Variants in TSPAN7 observed in about 807,000 individuals in gnomAD.
TSPAN7 encodes tetraspanin 7, also known as tetraspanin-7.
Under a neutral mutation model 17.6 loss-of-function variants are expected in TSPAN7, and 1 was observed. That is an observed-to-expected ratio of 0.06 (90% CI 0.02 to 0.27). The LOEUF (loss-of-function observed/expected upper bound fraction) is 0.27. TSPAN7 is among the 10% of genes least tolerant of loss of function. The pLI is 1.00. For synonymous variants in TSPAN7, 78 were observed against 79.0 expected (o/e 0.99, Z 0.07); for missense variants, 112 against 201.7 (o/e 0.56, Z 2.69).
At chrX:38,586,079 T>G (rs1033015512) in intron 1 of TSPAN7, among the ~76,000 whole-genome samples, 1 of 112,802 alleles carries the variant, frequency 8.9e-6, no homozygotes, top group Non-Finnish European at 1.9e-5. Flanking sequence ...TTTCTTTGCT[T>G]CTCTGAATCT....
At chrX:38,623,698 C>A (rs746687870) in intron 1 of TSPAN7, among the ~76,000 whole-genome samples, 3 of 107,986 alleles carry the variant, frequency 2.8e-5, no homozygotes, top group Non-Finnish European at 5.8e-5. Context: ...CCTGAAAACT[C>A]GTAGACTTTC....
intron 1 of TSPAN7, among the ~76,000 whole-genome samples, chrX:38,569,559 T>C (rs1056516542): frequency 9.0e-6 from 1 of 110,874 alleles, no homozygotes; most frequent in Non-Finnish European, 1.9e-5. Context: ...TTATTTTAGC[T>C]CCCCTTTCCT....
chrX:38,682,237 T>C (rs968128110), intron 6 of TSPAN7, among the ~76,000 whole-genome samples: 2 of 112,178 alleles, frequency 1.8e-5, no homozygotes, highest in African/African-American at 6.5e-5. Flanking sequence ...AAACCACAAC[T>C]CTAATTTCTA....
chrX:38,646,010 A>G (rs1372247584), intron 1 of TSPAN7, among the ~76,000 whole-genome samples: 2 of 111,661 alleles, frequency 1.8e-5, no homozygotes, highest in East Asian at 5.6e-4. Flanking sequence ...GGGTGCCTGC[A>G]CAATTTATGT....
At chrX:38,611,986 C>A (rs2069421574) in intron 1 of TSPAN7, among the ~76,000 whole-genome samples, 1 of 111,118 alleles carries the variant, frequency 9.0e-6, no homozygotes, top group Admixed American at 9.6e-5. Flanking sequence ...TATCCCTAAA[C>A]AATATATTGT....
At chrX:38,638,167 C>T (rs894041155) in intron 1 of TSPAN7, among the ~76,000 whole-genome samples, 8 of 112,224 alleles carry the variant, frequency 7.1e-5, no homozygotes, top group Non-Finnish European at 1.5e-4. Context: ...CCTCTCTCCC[C>T]GCTAACTTCC....
At chrX:38,585,115 G>A (rs1463614168) in intron 1 of TSPAN7, among the ~76,000 whole-genome samples, 2 of 111,553 alleles carry the variant, frequency 1.8e-5, no homozygotes, top group Non-Finnish European at 3.8e-5. Flanking sequence ...CGGACATTTG[G>A]GTGGTCCTCA....
chrX:38,583,009 T>G (rs1221101234), intron 1 of TSPAN7, among the ~76,000 whole-genome samples: 2 of 112,194 alleles, frequency 1.8e-5, no homozygotes, highest in African/African-American at 3.2e-5. Flanking sequence ...TACAGCAGTT[T>G]CCTGGTTTTC....
At chrX:38,600,515 T>C (rs1421792312) in intron 1 of TSPAN7, among the ~76,000 whole-genome samples, 1 of 111,783 alleles carries the variant, frequency 8.9e-6, no homozygotes, top group Non-Finnish European at 1.9e-5. Flanking sequence ...GGGAAGCACG[T>C]AAGCTCTGCC....
chrX:38,678,380 G>A (rs1271898537), intron 5 of TSPAN7, among the ~76,000 whole-genome samples: 1 of 112,322 alleles, frequency 8.9e-6, no homozygotes. Context: ...TGATTTAGAC[G>A]TGCTGAGAGA....
At chrX:38,598,537 A>G (rs1458904325) in intron 1 of TSPAN7, among the ~76,000 whole-genome samples, 1 of 110,474 alleles carries the variant, frequency 9.1e-6, no homozygotes, top group Non-Finnish European at 1.9e-5. Flanking sequence ...TAAAATTATT[A>G]TTTCCCCCCT....
chrX:38,571,101 TTTTGACTCTGGAAGA>T (rs1276042129), intron 1 of TSPAN7, among the ~76,000 whole-genome samples: 1 of 111,762 alleles, frequency 8.9e-6, no homozygotes, highest in African/African-American at 3.3e-5. Flanking sequence ...AAACATCACA[TTTTGACTCTGGAAGA>T]TTTTCTTTGG....
chrX:38,608,154 C>T (rs934525857), intron 1 of TSPAN7: 1 of 110,515 alleles, frequency 9.0e-6, no homozygotes, highest in Non-Finnish European at 1.9e-5. Context: ...ACATCTGTTT[C>T]CTTTGGGCAA....
At chrX:38,655,689 T>A (rs1308360082) in intron 1 of TSPAN7, among the ~76,000 whole-genome samples, 4 of 111,308 alleles carry the variant, frequency 3.6e-5, no homozygotes, top group Non-Finnish European at 5.6e-5. Flanking sequence ...AGGCATGAGT[T>A]CTTCAGACCA....
intron 1 of TSPAN7, among the ~76,000 whole-genome samples, chrX:38,591,854 T>A (rs998407433): frequency 4.5e-5 from 5 of 112,242 alleles, no homozygotes; most frequent in South Asian, 7.4e-4. Flanking sequence ...TTTTGAATAG[T>A]GTTAGTATGT....
intron 1 of TSPAN7, among the ~76,000 whole-genome samples, chrX:38,562,574 G>A (rs867570829): frequency 3.9e-5 from 4 of 102,972 alleles, no homozygotes; most frequent in African/African-American, 1.1e-4. Flanking sequence ...GAGGAGGAGG[G>A]GGAGGAGGAG....
intron 1 of TSPAN7, among the ~76,000 whole-genome samples, chrX:38,630,059 A>G (rs149517416): frequency 0.01 from 1,165 of 111,879 alleles, 11 homozygotes; most frequent in African/African-American, 0.035. Flanking sequence ...GATGTTTTCA[A>G]AATTTAGAAT....
chrX:38,571,041 T>G (rs1347115466), intron 1 of TSPAN7: 1 of 112,309 alleles, frequency 8.9e-6, no homozygotes, highest in East Asian at 2.8e-4. Context: ...ATATATATAT[T>G]GCATAGTGGT....
At chrX:38,657,562 C>T (rs1236372042) in intron 1 of TSPAN7, among the ~76,000 whole-genome samples, 1 of 111,797 alleles carries the variant, frequency 8.9e-6, no homozygotes, top group Non-Finnish European at 1.9e-5. Context: ...TCTTTGGCAT[C>T]TGAGCTAACA....
Sources: gnomAD v4.1 joint callset for allele counts (sites outside exome capture counted in the v4.1 genomes callset) on GRCh38, gnomAD v4.1.1 for gene constraint, MANE v1.5 for transcripts, NCBI Gene and HGNC (gene_info 2026-07-23, HGNC 2026-07-21) for gene names.